The following VAT1 variants were observed in gnomAD, a reference collection of about 807,000 sequenced individuals.
VAT1 encodes NADPH-dependent quinone oxidoreductase VAT1.
Under a neutral mutation model 33.3 loss-of-function variants are expected in VAT1, and 24 were observed. The ratio of observed to expected loss-of-function variants is 0.72; its 90% CI spans 0.52 to 1.01. The LOEUF is 1.01. Ranked by LOEUF, VAT1 falls within the 50% of genes least tolerant of loss-of-function variation. The probability of loss-of-function intolerance (pLI) is 0.00; values close to 1 mark genes in which losing one functional copy is unlikely to be tolerated. For synonymous variants in VAT1, 212 were observed against 225.0 expected (o/e 0.94, Z 0.52); for missense variants, 436 against 533.7 (o/e 0.82, Z 1.80).
In VAT1 at chr17:43,016,567, T is replaced by G; in HGVS notation, c.857-19A>C. ...GCCATTCCTGAAGGACAAGGTGACA[T>G]AGCCTGTGAACCCCCCCAGGCACAT... On this transcript the variant is annotated intron_variant, in intron 4 of 5. Coordinates refer to ENST00000355653, the MANE Select transcript of VAT1 (RefSeq NM_006373.4). 6.2e-7 allele frequency: 1 copy of G among 1,610,998 alleles called. No homozygotes were observed. Among genetic ancestry groups the G allele is most frequent in the South Asian group, 1.1e-5 (1 of 90,936 alleles).
In VAT1 at chr17:43,016,072, T is replaced by A; in HGVS notation, c.1171A>T (p.Lys391Ter). The A allele has an allele frequency of 1.2e-6, 2 of 1,614,130 alleles. No homozygotes were observed. Among genetic ancestry groups the A allele is most frequent in the Non-Finnish European group, 1.7e-6 (2 of 1,179,986 alleles). ...CACAGCCACTTGCCCTAGTTCTCCT[T>A]CTCTGGCCCTGGAACCAGGAGGACC... ...GKVLLVPGPE[K>*]EN The change falls in exon 6 of 6, where the codon AAG becomes TAG. Residue 391 changes from lysine to a stop codon, truncating the protein, a stop_gained. Transcript: ENST00000355653. LOFTEE classifies it high-confidence loss of function.
At chr17:43,016,635 C>T in intron 4 of VAT1, 87 bp from the exon 5 acceptor site, 1 of 1,540,362 alleles carries the variant, frequency 6.5e-7, no homozygotes, top group Non-Finnish European at 8.8e-7. Flanking sequence ...CTGTGATCCC[C>T]TTGCAATTCT....
chr17:43,019,115 A>G (rs2050544967), intron 1 of VAT1: 1 of 346,590 alleles, frequency 2.9e-6, no homozygotes, highest in Non-Finnish European at 5.3e-6. Flanking sequence ...ATTGTGTAAG[A>G]TCCCTGAATG....
intron 1 of VAT1, chr17:43,020,262 C>T: frequency 1.0e-6 from 1 of 985,438 alleles, no homozygotes; most frequent in Non-Finnish European, 1.2e-6. Context: ...AATCCAGGCT[C>T]TTACATCAGA....
At position 43,018,002 on chromosome 17, in the gene VAT1, GC is replaced by G. The variant is rs769036312; in HGVS notation, c.766+33del. On this transcript the variant is annotated intron_variant, in intron 3 of 5. Coordinates refer to ENST00000355653, the MANE Select transcript of VAT1 (RefSeq NM_006373.4). Reference sequence around the variant, plus strand: ...TCTGGAGCTCCCCTCCCTGTCCTGTGCCTCCCTACCCCCTCCCATATTATGC... The same window carrying G: ...TCTGGAGCTCCCCTCCCTGTCCTGTGCTCCCTACCCCCTCCCATATTATGC... 30 of 1,612,882 alleles carry G rather than the reference GC, an allele frequency of 1.9e-5. No individual in the cohort carries two copies. In the South Asian group the frequency reaches 3.0e-4, roughly 16 times the overall value.
intron 1 of VAT1, among the ~76,000 whole-genome samples, chr17:43,019,195 G>A (rs1159127823): frequency 6.6e-6 from 1 of 152,110 alleles, no homozygotes; most frequent in African/African-American, 2.4e-5. Context: ...TACAAAAGCG[G>A]TCTCAACTGT....
In VAT1 at chr17:43,016,049, C is replaced by T. The variant is rs777690750; in HGVS notation, c.*12G>A. 6.2e-7 allele frequency: 1 copy of T among 1,613,844 alleles called. No individual in the cohort carries two copies. Among genetic ancestry groups the T allele is most frequent in the African/African-American group, 1.3e-5 (1 of 74,936 alleles). On this transcript the variant is annotated 3_prime_UTR_variant, in exon 6 of 6. Coordinates refer to ENST00000355653, the MANE Select transcript of VAT1 (RefSeq NM_006373.4). ...CCCTTCGCTGGTCTCTAGGGTCTCA[C>T]AGCCACTTGCCCTAGTTCTCCTTCT... is the stretch of plus-strand genomic sequence containing the variant.
At position 43,021,908 on chromosome 17, in the gene VAT1, C is replaced by G; in HGVS notation, c.387+28G>C. Reference sequence around the variant, plus strand: ...CCCACTGCCCAGTGGCCTGCGCAGCCCTGCCCTGCCCTACGCAACCCGCTC... The same window carrying G: ...CCCACTGCCCAGTGGCCTGCGCAGCGCTGCCCTGCCCTACGCAACCCGCTC... On this transcript the variant is annotated intron_variant, in intron 1 of 5. Coordinates refer to ENST00000355653, the MANE Select transcript of VAT1 (RefSeq NM_006373.4). 4 of 1,608,798 alleles carry G rather than the reference C, an allele frequency of 2.5e-6. No individual in the cohort carries two copies. In the South Asian group the frequency reaches 4.4e-5, roughly 18 times the overall value.
intron 1 of VAT1, 36 bp downstream of exon 1, chr17:43,021,900 T>A (rs2050572359): frequency 5.6e-6 from 9 of 1,606,904 alleles, no homozygotes; most frequent in Non-Finnish European, 7.6e-6. Context: ...CCCAGTGGCC[T>A]GCGCAGCCCT....
rs780795229 is a variant in VAT1 at position 43,016,060 on chromosome 17, C to G, written c.*1G>C. The G allele has an allele frequency of 6.2e-7, 1 of 1,614,156 alleles. No individual in the cohort carries two copies. Among genetic ancestry groups the G allele is most frequent in the South Asian group, 1.1e-5 (1 of 91,082 alleles). On this transcript the variant is annotated 3_prime_UTR_variant, in exon 6 of 6. Transcript: ENST00000355653. Reference sequence around the variant, plus strand: ...TCTCTAGGGTCTCACAGCCACTTGCCCTAGTTCTCCTTCTCTGGCCCTGGA... The same window carrying G: ...TCTCTAGGGTCTCACAGCCACTTGCGCTAGTTCTCCTTCTCTGGCCCTGGA...
rs890852325 is a variant in VAT1, at chr17:43,021,536, G to A, written c.387+400C>T. ...CCCTCGGGGAAAGGGGGCACTAACC[G>A]TCACTCATAGTCACAGACCACAATT... On this transcript the variant is annotated intron_variant, in intron 1 of 5. Coordinates refer to ENST00000355653, the MANE Select transcript of VAT1 (RefSeq NM_006373.4). 3.4e-4 allele frequency among the ~76,000 whole-genome samples: 47 copies of A among 136,862 alleles called. 1 individual carries two copies. The highest frequency in any genetic ancestry group is 1.3e-3 in the African/African-American group (47 of 37,250). The allele number at this position is 136,862 out of a possible 152,430, so 89.8% of individuals were successfully genotyped here.
Position 43,018,291 on chromosome 17 carries a change from G to A in VAT1, c.596-85C>T, listed in dbSNP as rs1481032955. 11 of 1,461,134 alleles carry A rather than the reference G, an allele frequency of 7.5e-6. No individual in the cohort carries two copies. In the Admixed American group the frequency reaches 1.8e-4, roughly 24 times the overall value. The allele number at this position is 1,461,134 out of a possible 1,614,324, so 90.5% of individuals were successfully genotyped here. On this transcript the variant is annotated intron_variant, in intron 2 of 5. Transcript: ENST00000355653. ...TTCTAGCCTCCCAGGGACTCAGCCT[G>A]TCACCTTCATTTTGCCTACGCTCAT...
chr17:43,015,724 T>G lies in VAT1; in HGVS notation c.*337A>C, dbSNP rs1597782902. The G allele has an allele frequency of 9.2e-6, 3 of 326,618 alleles. No homozygotes were observed. The highest frequency in any genetic ancestry group is 4.2e-5 in the South Asian group (1 of 23,586). The allele number at this position is 326,618 out of a possible 1,614,324, so 20.2% of individuals were successfully genotyped here. A position where few individuals can be genotyped will look rare whatever the true frequency, so the allele number is the denominator to read the frequency against. ...GACGGGAGGAAAGATGAGGCAGAGG[T>G]GAAAGCACATGGAACACAACAGGGG... On this transcript the variant is annotated 3_prime_UTR_variant, in exon 6 of 6. Transcript: ENST00000355653.
rs1233207871 is a variant in VAT1, at chr17:43,016,493, T to C, written c.912A>G (p.Thr304=). 3.1e-6 allele frequency: 5 copies of C among 1,614,126 alleles called. No homozygotes were observed. Among genetic ancestry groups the C allele is most frequent in the East Asian group, 2.2e-5 (1 of 44,890 alleles). The change falls in exon 5 of 6, where the codon ACA becomes ACG. Residue 304 remains threonine, a synonymous_variant. Coordinates refer to ENST00000355653, the MANE Select transcript of VAT1 (RefSeq NM_006373.4). ...PKRNLMALAR[T]WWNQFSVTAL... ...CTGTCACGCTGAACTGATTCCACCA[T>C]GTCCGGGCCAGGGCCATCAGGTTCC...
At chr17:43,021,097 G>A (rs1233596219) in intron 1 of VAT1, among the ~76,000 whole-genome samples, 2 of 152,124 alleles carry the variant, frequency 1.3e-5, no homozygotes, top group South Asian at 2.1e-4. Context: ...CCAAACCCCT[G>A]GCACTGGGGT....
rs1361875641 is a variant in VAT1, at chr17:43,015,485, GA to G, written c.*575del. 14 of 156,382 alleles carry G rather than the reference GA, an allele frequency of 9.0e-5. No homozygotes were observed. Among genetic ancestry groups the G allele is most frequent in the Non-Finnish European group, 2.0e-4 (14 of 70,504 alleles). The allele number at this position is 156,382 out of a possible 1,614,324, so 9.7% of individuals were successfully genotyped here. On this transcript the variant is annotated 3_prime_UTR_variant, in exon 6 of 6. Transcript: ENST00000355653. ...TGTTGGAAGAGGCAGCCTTGGTTAA[GA>G]ATGGCAGAAAACCTGGAGATGGAAG... is the stretch of plus-strand genomic sequence containing the variant.
intron 1 of VAT1, among the ~76,000 whole-genome samples, chr17:43,021,632 G>T (rs1199055923): frequency 6.7e-6 from 1 of 148,612 alleles, no homozygotes; most frequent in African/African-American, 2.5e-5. Flanking sequence ...GGGTGGGGAC[G>T]GTAGTGTGGT....
intron 1 of VAT1, chr17:43,019,430 G>A (rs555984624): frequency 1.3e-5 from 2 of 152,652 alleles, no homozygotes; most frequent in Admixed American, 1.3e-4. Flanking sequence ...AAAAGAAGAC[G>A]GCACTGTGTG....
Position 43,015,881 on chromosome 17 carries a change from A to G in VAT1, c.*180T>C, listed in dbSNP as rs2050516119. The G allele has an allele frequency of 2.8e-6, 2 of 725,830 alleles. No individual in the cohort carries two copies. The highest frequency in any genetic ancestry group is 2.4e-5 in the Admixed American group (1 of 41,508). The allele number at this position is 725,830 out of a possible 1,614,324, so 45.0% of individuals were successfully genotyped here. On this transcript the variant is annotated 3_prime_UTR_variant, in exon 6 of 6. Transcript: ENST00000355653. The stretch of plus-strand genomic sequence containing the variant: ...CAGACATCCAAATGGTCACTTCCCA[A>G]CCTCTTCAGAGGTCAGGAAGCGGGG...
Sources: gnomAD v4.1 joint callset for allele counts (sites outside exome capture counted in the v4.1 genomes callset) on GRCh38, gnomAD v4.1.1 for gene constraint, MANE v1.5 for transcripts, NCBI Gene and HGNC (gene_info 2026-07-23, HGNC 2026-07-21) for gene names.